The following CCDC3 variants were observed in gnomAD, a reference collection of about 807,000 sequenced individuals.
CCDC3 encodes coiled-coil domain-containing protein 3.
In CCDC3, 24 loss-of-function variants were observed where a neutral mutation model predicts 21.4. The observed-to-expected ratio is 1.12, with a 90% CI of 0.81 to 1.58. CCDC3 has a LOEUF of 1.58. Ranked by LOEUF, CCDC3 falls within the 40% of genes most tolerant of loss-of-function variation. CCDC3 has a pLI of 0.00. For missense variants in CCDC3, 425 were observed against 360.9 expected (o/e 1.18, Z -1.44); for synonymous variants, 186 against 166.0 (o/e 1.12, Z -0.93).
intron 5 of CCDC3, among the ~76,000 whole-genome samples, chr10:13,012,687 C>T (rs976280076): frequency 5.9e-5 from 9 of 152,096 alleles, no homozygotes; most frequent in Non-Finnish European, 1.3e-4. Context: ...AGGAGAATCA[C>T]TTCAACCCGG....
chr10:13,033,800 T>C (rs1226202634), intron 5 of CCDC3, among the ~76,000 whole-genome samples: 3 of 152,204 alleles, frequency 2.0e-5, no homozygotes, highest in Non-Finnish European at 4.4e-5. Context: ...AGATACCATC[T>C]CACACCAGTT....
chr10:12,954,979 G>T lies in CCDC3; in HGVS notation c.549+43359C>A, dbSNP rs117306875. 3.1e-3 allele frequency among the ~76,000 whole-genome samples: 474 copies of T among 152,216 alleles called. 14 individuals carry two copies. The East Asian group carries it at 0.057, about 18-fold the overall frequency. The stretch of plus-strand genomic sequence containing the variant: ...ATCACCATCTGCCTGTCCATTTTTA[G>T]AATGTGTACTGTCCCACCTAGACAT... On this transcript the variant is annotated intron_variant, in intron 2 of 2. Transcript: ENST00000378825.
chr10:12,984,725 A>G (rs34077721), intron 2 of CCDC3, among the ~76,000 whole-genome samples: 6,494 of 152,316 alleles, frequency 0.043, 171 homozygotes, highest in Middle Eastern at 0.082. Context: ...AAAAAAGAAC[A>G]AAGTACTGAT....
At chr10:12,959,651 T>C (rs1048319631) in intron 2 of CCDC3, among the ~76,000 whole-genome samples, 2 of 152,106 alleles carry the variant, frequency 1.3e-5, no homozygotes, top group African/African-American at 4.8e-5. Context: ...CTGTCAGAGC[T>C]GGAAGGGGCC....
intron 2 of CCDC3, among the ~76,000 whole-genome samples, chr10:12,960,021 G>A (rs755495986): frequency 2.6e-5 from 4 of 152,126 alleles, no homozygotes; most frequent in Non-Finnish European, 4.4e-5. Flanking sequence ...AGGCGTGGTC[G>A]CACATGCCTG....
chr10:13,052,882 C>A (rs1238384568), intron 4 of CCDC3, among the ~76,000 whole-genome samples: 2 of 151,112 alleles, frequency 1.3e-5, no homozygotes, highest in Non-Finnish European at 2.9e-5. Flanking sequence ...GCAGAGGTTG[C>A]AGTGAGCTGT....
intron 4 of CCDC3, among the ~76,000 whole-genome samples, chr10:13,069,520 T>C (rs1194462251): frequency 2.0e-5 from 3 of 152,236 alleles, no homozygotes; most frequent in African/African-American, 4.8e-5. Context: ...ACATCAGGTG[T>C]TTTAAATTTC....
chr10:13,059,944 G>A (rs1359100880), intron 4 of CCDC3, among the ~76,000 whole-genome samples: 1 of 151,924 alleles, frequency 6.6e-6, no homozygotes, highest in Non-Finnish European at 1.5e-5. Flanking sequence ...AAACTTAGCC[G>A]GGCGTGATGG....
At chr10:13,011,185 G>A (rs200942019) in intron 5 of CCDC3, among the ~76,000 whole-genome samples, 221 of 138,044 alleles carry the variant, frequency 1.6e-3, no homozygotes, top group Non-Finnish European at 1.4e-3. Flanking sequence ...TGTCTCAGAA[G>A]AAAAAAAAAA....
intron 5 of CCDC3, among the ~76,000 whole-genome samples, chr10:13,037,066 T>G (rs574637268): frequency 7.2e-5 from 11 of 152,320 alleles, no homozygotes; most frequent in Admixed American, 5.9e-4. Flanking sequence ...ATTATAGGCA[T>G]GAGTCACTGT....
rs1041887470 is a variant in CCDC3 at position 12,902,358 on chromosome 10, G to A, written c.550-3679C>T. 1.1e-4 allele frequency among the ~76,000 whole-genome samples: 17 copies of A among 152,140 alleles called. No individual in the cohort carries two copies. In the East Asian group the frequency reaches 1.9e-3, roughly 17 times the overall value. ...GAGAAGGTGGGCATGAGAAATTCCC[G>A]GGAGAACTGACAGTATTTCTATTGT... On this transcript the variant is annotated intron_variant, in intron 2 of 2. Coordinates refer to ENST00000378825, the MANE Select transcript of CCDC3 (RefSeq NM_031455.4).
At chr10:12,946,918 C>T (rs980331735) in intron 2 of CCDC3, among the ~76,000 whole-genome samples, 11 of 152,162 alleles carry the variant, frequency 7.2e-5, no homozygotes, top group Admixed American at 3.9e-4. Context: ...CCCCCTCCGC[C>T]ACTAGCATAA....
intron 5 of CCDC3, among the ~76,000 whole-genome samples, chr10:13,027,044 C>T (rs571658258): frequency 3.9e-4 from 60 of 152,272 alleles, no homozygotes; most frequent in African/African-American, 1.4e-3. Context: ...GCCTTAGTTC[C>T]CATGGCAATC....
intron 2 of CCDC3, among the ~76,000 whole-genome samples, chr10:12,938,468 A>T (rs1014292582): frequency 3.3e-5 from 5 of 152,212 alleles, no homozygotes; most frequent in Admixed American, 3.3e-4. Context: ...TTTGGACCAC[A>T]ACCTTCTAGA....
chr10:12,952,383 T>C (rs1835020426), intron 2 of CCDC3, among the ~76,000 whole-genome samples: 1 of 152,256 alleles, frequency 6.6e-6, no homozygotes, highest in African/African-American at 2.4e-5. Context: ...GGACCATGTA[T>C]TGAACCCAAC....
chr10:12,923,489 A>G (rs761691026), intron 2 of CCDC3, among the ~76,000 whole-genome samples: 2 of 152,098 alleles, frequency 1.3e-5, no homozygotes, highest in Non-Finnish European at 2.9e-5. Context: ...TACCTTCACA[A>G]AGCCAGTCCT....
chr10:12,967,342 A>G (rs1374326517), intron 2 of CCDC3, among the ~76,000 whole-genome samples: 3 of 152,248 alleles, frequency 2.0e-5, no homozygotes, highest in Admixed American at 1.3e-4. Context: ...AACCACAAAG[A>G]AATTAAGATA....
At chr10:12,932,889 A>T (rs1352474191) in intron 2 of CCDC3, among the ~76,000 whole-genome samples, 1 of 152,186 alleles carries the variant, frequency 6.6e-6, no homozygotes, top group Non-Finnish European at 1.5e-5. Flanking sequence ...AGATTTTGCT[A>T]AATGCTTTTT....
chr10:12,936,145 A>G (rs770499790), intron 2 of CCDC3, among the ~76,000 whole-genome samples: 5 of 152,152 alleles, frequency 3.3e-5, no homozygotes, highest in Admixed American at 6.5e-5. Context: ...ATTTCTTGCA[A>G]TGCAGGTTTA....
Sources: gnomAD v4.1 joint callset for allele counts (sites outside exome capture counted in the v4.1 genomes callset) on GRCh38, gnomAD v4.1.1 for gene constraint, MANE v1.5 for transcripts, NCBI Gene and HGNC (gene_info 2026-07-23, HGNC 2026-07-21) for gene names.